Variants in ATP7B observed in about 807,000 individuals in gnomAD.
ATP7B encodes the protein ATPase copper transporting beta.
ATP7B carries 113 observed loss-of-function variants against 118.9 expected under a neutral mutation model. That is an observed-to-expected ratio of 0.95 (90% CI 0.82 to 1.11). ATP7B has a LOEUF of 1.11. Among genes scored for constraint, ATP7B ranks in the 50% most tolerant of loss-of-function variants. ATP7B has a pLI of 0.00. For synonymous variants in ATP7B, 777 were observed against 727.4 expected (o/e 1.07, Z -1.10); for missense variants, 1,867 against 1,871.4 (o/e 1.00, Z 0.04).
At chr13:51,976,535 A>G (rs549210219) in intron 1 of ATP7B, among the ~76,000 whole-genome samples, 1 of 152,336 alleles carries the variant, frequency 6.6e-6, no homozygotes, top group East Asian at 1.9e-4. Flanking sequence ...TAAATACATG[A>G]ATGTTTAATG....
chr13:51,935,800 TC>T, intron 19 of ATP7B, 105 bp from the exon 20 acceptor site: 1 of 989,930 alleles, frequency 1.0e-6, no homozygotes, highest in Non-Finnish European at 1.5e-6. Context: ...CAGTGAGGTC[TC>T]CACCTGGCGT....
intron 1 of ATP7B, among the ~76,000 whole-genome samples, chr13:51,999,480 A>C (rs1953382545): frequency 6.6e-6 from 1 of 152,242 alleles, no homozygotes; most frequent in Non-Finnish European, 1.5e-5. Flanking sequence ...ACTTGGCTGA[A>C]CAGTCTTGAG....
chr13:51,934,781 C>T lies in ATP7B; in HGVS notation c.4373G>A (p.Gly1458Asp). The part of the protein sequence containing the change: ...DGDKWSLLLN[G>D]RDEEQYI ...TCAGATGTACTGCTCCTCATCCCTGCCATTCAGGAGCAGAGACCACTTGTC... is the reference window on the plus strand; with the variant it reads ...TCAGATGTACTGCTCCTCATCCCTGTCATTCAGGAGCAGAGACCACTTGTC... Residue 1458 changes from glycine to aspartate, a missense_variant, in exon 21 of 21, where the codon GGC becomes GAC. Transcript: ENST00000242839. 1 of 1,613,990 alleles carries T rather than the reference C, an allele frequency of 6.2e-7. No individual in the cohort carries two copies. The highest frequency in any genetic ancestry group is 1.3e-5 in the African/African-American group (1 of 75,068).
At position 51,934,814 on chromosome 13, in the gene ATP7B, T is replaced by TC. The variant is rs1345677703; in HGVS notation, c.4339dup (p.Asp1447GlyfsTer2). On this transcript the variant is annotated frameshift_variant, in exon 21 of 21. Transcript: ENST00000242839. LOFTEE classifies it high-confidence loss of function. ...GAGCAGAGACCACTTGTCCCCATCA[T>TC]CGTCTGCTGCAGCGCTGTGCCGAGA... is the stretch of plus-strand genomic sequence containing the variant. The TC allele has an allele frequency of 1.2e-6, 2 of 1,614,044 alleles. No individual in the cohort carries two copies. Among genetic ancestry groups the TC allele is most frequent in the Non-Finnish European group, 1.7e-6 (2 of 1,180,048 alleles).
chr13:52,003,758 C>T (rs911780001), intron 1 of ATP7B, among the ~76,000 whole-genome samples: 1 of 152,206 alleles, frequency 6.6e-6, no homozygotes, highest in Non-Finnish European at 1.5e-5. Context: ...AGCTCATGCC[C>T]CACCTGGAGC....
intron 16 of ATP7B, among the ~76,000 whole-genome samples, chr13:51,939,738 C>T (rs1259094825): frequency 3.9e-5 from 6 of 152,006 alleles, no homozygotes; most frequent in African/African-American, 1.2e-4. Context: ...CGAGAGGGCA[C>T]GACTCCTTTA....
rs77730679 is a variant in ATP7B, at chr13:51,940,048, T to C, written c.3557-855A>G. ...TTTTTTTGAGACAGAGTTACGCTCT[T>C]GTTGCCCAGGCTGGAGGGCAGTGGT... On this transcript the variant is annotated intron_variant, in intron 16 of 20. Coordinates refer to ENST00000242839, the MANE Select transcript of ATP7B (RefSeq NM_000053.4). 1.6e-4 allele frequency among the ~76,000 whole-genome samples: 22 copies of C among 138,046 alleles called. No homozygotes were observed. In the East Asian group the frequency reaches 1.9e-3, roughly 12 times the overall value. The allele number at this position is 138,046 out of a possible 152,430, so 90.6% of individuals were successfully genotyped here.
At chr13:51,965,067 C>G (rs780389157) in intron 4 of ATP7B, 34 bp from the exon 5 acceptor site, 1 of 1,612,876 alleles carries the variant, frequency 6.2e-7, no homozygotes, top group Non-Finnish European at 8.5e-7. Flanking sequence ...CCCACAGACC[C>G]AGGATCAAGG....
chr13:51,980,600 T>C lies in ATP7B; in HGVS notation c.52-5432A>G, dbSNP rs187348116. On this transcript the variant is annotated intron_variant, in intron 1 of 20. Coordinates refer to ENST00000242839, the MANE Select transcript of ATP7B (RefSeq NM_000053.4). ...TCAGAAACTGGGTGGCATGTTTTCA[T>C]GAAGGCTTTCAAAGCCAATCTGATA... is the stretch of plus-strand genomic sequence containing the variant. Among the ~76,000 whole-genome samples, 3 of 152,374 alleles carry C rather than the reference T, an allele frequency of 2.0e-5. No individual in the cohort carries two copies. The East Asian group carries it at 5.8e-4, about 29-fold the overall frequency.
At chr13:51,958,051 C>T (rs1958469726) in intron 8 of ATP7B, 1 of 530,530 alleles carries the variant, frequency 1.9e-6, no homozygotes, top group Non-Finnish European at 3.4e-6. Context: ...GTAGGCTCTG[C>T]CCTGAAGGCC....
intron 1 of ATP7B, among the ~76,000 whole-genome samples, chr13:51,994,635 T>C (rs1262605265): frequency 1.3e-5 from 2 of 152,234 alleles, no homozygotes; most frequent in African/African-American, 2.4e-5. Flanking sequence ...ATCTCTTGCA[T>C]AGCACATTTG....
In ATP7B at chr13:52,011,295, TG is replaced by T; in HGVS notation, c.42del (p.Ser15ValfsTer19). ...GGGGGAACAAAACTCACTTTCCGAC[TG>T]GCCCCTTCTCTGGCTGTGATCTGTC... is the stretch of plus-strand genomic sequence containing the variant. Reference protein sequence around the residue: ...QERQITAREGASRKILSKLSL... With the variant: ...QERQITAREGXSRKILSKLSL... On this transcript the variant is annotated frameshift_variant, in exon 1 of 21. Transcript: ENST00000242839. LOFTEE classifies it high-confidence loss of function. The T allele has an allele frequency of 6.2e-7, 1 of 1,614,220 alleles. No homozygotes were observed. Among genetic ancestry groups the T allele is most frequent in the East Asian group, 2.2e-5 (1 of 44,886 alleles).
upstream of ATP7B, chr13:52,011,954 C>G (rs1442135059): frequency 2.7e-5 from 8 of 300,600 alleles, no homozygotes; most frequent in Non-Finnish European, 4.5e-5. Flanking sequence ...TCCTCGGACT[C>G]TGCGCCTGGC....
chr13:51,969,107 C>T (rs1166859913), intron 3 of ATP7B, among the ~76,000 whole-genome samples: 3 of 151,396 alleles, frequency 2.0e-5, no homozygotes, highest in Non-Finnish European at 4.4e-5. Flanking sequence ...GATCCGCTCG[C>T]CTTGGCCTCC....
At chr13:51,957,415 T>A in intron 9 of ATP7B, 101 bp downstream of exon 9, 1 of 1,225,744 alleles carries the variant, frequency 8.2e-7, no homozygotes. Flanking sequence ...CTGCCCACAC[T>A]CACAAGGTCT....
rs1952003548 is a variant in ATP7B at position 51,974,400 on chromosome 13, T to C, written c.820A>G (p.Asn274Asp). 1 of 1,613,998 alleles carries C rather than the reference T, an allele frequency of 6.2e-7. No individual in the cohort carries two copies. Among genetic ancestry groups the C allele is most frequent in the Admixed American group, 1.7e-5 (1 of 60,024 alleles). The change falls in exon 2 of 21, where the codon AAT becomes GAT. Residue 274 changes from asparagine (N) to aspartate (D), a missense_variant. Asn to Asp is a conservative substitution (Grantham distance 23). Transcript: ENST00000242839. ...AGCTGGCCAATATTTTCTTCAATAT[T>C]CAAGACGCAAGACTTACAATGCATT... ...DGMHCKSCVL[N>D]IEENIGQLLG...
intron 5 of ATP7B, among the ~76,000 whole-genome samples, chr13:51,963,100 AAAAG>A (rs1958858265): frequency 2.0e-5 from 3 of 152,054 alleles, no homozygotes; most frequent in South Asian, 4.1e-4. Flanking sequence ...CTCAAAAAAA[AAAAG>A]AAAGAAAGAA....
chr13:51,967,151 A>T, intron 4 of ATP7B: 1 of 1,581,460 alleles, frequency 6.3e-7, no homozygotes, highest in Non-Finnish European at 8.6e-7. Flanking sequence ...GTAGAATAAA[A>T]ATTCCATCAT....
rs777879359 is a variant in ATP7B, at chr13:51,941,135, C to A, written c.3502G>T (p.Ala1168Ser). 4.3e-6 allele frequency: 7 copies of A among 1,613,996 alleles called. No homozygotes were observed. In the Admixed American group the frequency reaches 8.3e-5, roughly 19 times the overall value. Residue 1168 changes from alanine (A) to serine (S), a missense_variant, in exon 16 of 21, where the codon GCT becomes TCT. Transcript: ENST00000242839. ...CCTTTCATCTCGTGGTCTGTCATAG[C>A]GTCACTGACATCGCTAGAAATGGTT... The part of the protein sequence containing the change: ...GLTISSDVSD[A>S]MTDHEMKGQT...
Sources: allele counts gnomAD v4.1 joint callset (sites outside exome capture counted in the v4.1 genomes callset), GRCh38; gene constraint gnomAD v4.1.1; transcripts MANE v1.5; gene names NCBI Gene and HGNC (gene_info 2026-07-23, HGNC 2026-07-21).